Variants in TBL1XR1 observed in about 807,000 individuals in gnomAD.
TBL1XR1 encodes F-box-like/WD repeat-containing protein TBL1XR1.
In TBL1XR1, 5 loss-of-function variants were observed where a neutral mutation model predicts 66.9. The ratio of observed to expected loss-of-function variants is 0.07; its 90% CI spans 0.04 to 0.16. The LOEUF is 0.16. Ranked by LOEUF, TBL1XR1 falls within the 10% of genes least tolerant of loss-of-function variation. TBL1XR1 has a pLI of 1.00. For missense variants in TBL1XR1, 238 were observed against 623.2 expected (o/e 0.38, Z 6.58); for synonymous variants, 210 against 206.0 (o/e 1.02, Z -0.17).
At chr3:177,026,029 C>CA (rs1161187337) in intron 15 of TBL1XR1, 4 of 296,862 alleles carry the variant, frequency 1.3e-5, no homozygotes, top group Non-Finnish European at 2.5e-5. Context: ...TTCCCTGGGC[C>CA]AAAAAAATTC....
intron 1 of TBL1XR1, among the ~76,000 whole-genome samples, chr3:177,126,494 A>G (rs919247095): frequency 5.3e-5 from 8 of 152,226 alleles, no homozygotes; most frequent in Admixed American, 3.3e-4. Context: ...TACATCTTCT[A>G]CTAATATGTC....
intron 1 of TBL1XR1, among the ~76,000 whole-genome samples, chr3:177,172,041 G>A (rs758049577): frequency 9.9e-5 from 15 of 151,904 alleles, no homozygotes; most frequent in East Asian, 3.9e-4. Flanking sequence ...CAAGGCAGGC[G>A]GATAGGTCAG....
At chr3:177,046,313 T>G in intron 9 of TBL1XR1, 124 bp from the exon 10 acceptor site, 1 of 642,694 alleles carries the variant, frequency 1.6e-6, no homozygotes, top group Non-Finnish European at 2.5e-6. Context: ...TTAAACACTT[T>G]ATCCCAAATA....
At position 177,192,951 on chromosome 3, in the gene TBL1XR1, G is replaced by A. The variant is rs555550149; in HGVS notation, c.-122+4170C>T. ...GCACGTTACCTGAGGTCAGGAGTTCGAGACCAGCCTGGCCAACATGCTGAA... is the reference window on the plus strand; with the variant it reads ...GCACGTTACCTGAGGTCAGGAGTTCAAGACCAGCCTGGCCAACATGCTGAA... On this transcript the variant is annotated intron_variant, in intron 1 of 15. Coordinates refer to ENST00000457928, the MANE Select transcript of TBL1XR1 (RefSeq NM_024665.7). Among the ~76,000 whole-genome samples, 7 of 152,094 alleles carry A rather than the reference G, an allele frequency of 4.6e-5. No individual in the cohort carries two copies. In the South Asian group the frequency reaches 6.2e-4, roughly 14 times the overall value.
intron 1 of TBL1XR1, 116 bp from the exon 2 acceptor site, chr3:177,098,657 TTC>T (rs1723805768): frequency 4.8e-6 from 2 of 416,290 alleles, no homozygotes; most frequent in Non-Finnish European, 6.5e-6. Flanking sequence ...ACCAGTGAAT[TTC>T]TTTCTCCCCC....
At chr3:177,182,473 T>C (rs1356945284) in intron 1 of TBL1XR1, among the ~76,000 whole-genome samples, 5 of 152,228 alleles carry the variant, frequency 3.3e-5, no homozygotes, top group Non-Finnish European at 7.3e-5. Context: ...TTTCCAGTTT[T>C]GTATATGTGA....
intron 2 of TBL1XR1, among the ~76,000 whole-genome samples, chr3:177,093,664 A>G (rs899081348): frequency 1.3e-5 from 2 of 152,212 alleles, no homozygotes; most frequent in African/African-American, 4.8e-5. Context: ...CCAGAAATAA[A>G]GCCAAATATT....
intron 1 of TBL1XR1, among the ~76,000 whole-genome samples, chr3:177,179,732 C>T (rs1734580899): frequency 6.6e-6 from 1 of 152,136 alleles, no homozygotes; most frequent in Non-Finnish European, 1.5e-5. Context: ...CTGTCATTAC[C>T]AGTTCTCACT....
At chr3:177,162,160 C>T (rs1305113863) in intron 1 of TBL1XR1, among the ~76,000 whole-genome samples, 1 of 152,234 alleles carries the variant, frequency 6.6e-6, no homozygotes, top group Non-Finnish European at 1.5e-5. Context: ...TTCAGAATAG[C>T]GCAATGTTGA....
chr3:177,166,934 T>TTC (rs2108908975), intron 1 of TBL1XR1, among the ~76,000 whole-genome samples: 1 of 152,282 alleles, frequency 6.6e-6, no homozygotes, highest in East Asian at 1.9e-4. Context: ...GGGAGACAGT[T>TTC]TAACACTTTC....
rs1035322831 is a variant in TBL1XR1 at position 177,021,697 on chromosome 3, A to C, written c.*3801T>G. On this transcript the variant is annotated 3_prime_UTR_variant, in exon 16 of 16. Coordinates refer to ENST00000457928, the MANE Select transcript of TBL1XR1 (RefSeq NM_024665.7). The stretch of plus-strand genomic sequence containing the variant: ...AAGAAAACAAAACGAAAAACCAACC[A>C]GGGTCTCTTGTAGATTTGCTGCTAT... The C allele has an allele frequency of 2.6e-5, 4 of 152,580 alleles. No individual in the cohort carries two copies. Among genetic ancestry groups the C allele is most frequent in the African/African-American group, 7.2e-5 (3 of 41,452 alleles). The allele number at this position is 152,580 out of a possible 1,614,324, so 9.5% of individuals were successfully genotyped here.
At chr3:177,052,761 T>G (rs1001845547) in intron 4 of TBL1XR1, among the ~76,000 whole-genome samples, 1 of 152,144 alleles carries the variant, frequency 6.6e-6, no homozygotes, top group Non-Finnish European at 1.5e-5. Flanking sequence ...GGGGAACATG[T>G]TAATCTCTGA....
chr3:177,140,162 G>A (rs1471581328), intron 1 of TBL1XR1, among the ~76,000 whole-genome samples: 2 of 152,114 alleles, frequency 1.3e-5, no homozygotes, highest in African/African-American at 4.8e-5. Context: ...TTAGCTGGGC[G>A]TGGTGGCACA....
rs746245898 is a variant in TBL1XR1 at position 177,050,039 on chromosome 3, T to C, written c.660A>G (p.Gln220=). The C allele has an allele frequency of 2.5e-5, 40 of 1,613,628 alleles. No homozygotes were observed. The highest frequency in any genetic ancestry group is 3.1e-5 in the Non-Finnish European group (36 of 1,179,782). Residue 220 remains glutamine (Q), a synonymous_variant, in exon 7 of 16, where the codon CAA becomes CAG. Transcript: ENST00000457928. ...TGACATCCTTGTTGCTTGGAACATCTTGCCCTCCTTCTCGTATACAATGTC... is the reference window on the plus strand; with the variant it reads ...TGACATCCTTGTTGCTTGGAACATCCTGCCCTCCTTCTCGTATACAATGTC... ...VLRHCIREGG[Q]DVPSNKDVTS...
chr3:177,099,608 C>T (rs1336777414), intron 1 of TBL1XR1, among the ~76,000 whole-genome samples: 1 of 152,222 alleles, frequency 6.6e-6, no homozygotes, highest in Non-Finnish European at 1.5e-5. Flanking sequence ...TCCCACCAAT[C>T]CCTGGTGCTT....
upstream of TBL1XR1, among the ~76,000 whole-genome samples, chr3:177,200,348 G>T (rs1737316793): frequency 1.3e-5 from 2 of 152,198 alleles, no homozygotes; most frequent in South Asian, 4.1e-4. Context: ...TCCAGCAAAG[G>T]GGGTTTTAAA....
intron 1 of TBL1XR1, among the ~76,000 whole-genome samples, chr3:177,157,732 A>G (rs1731685314): frequency 6.6e-6 from 1 of 152,184 alleles, no homozygotes; most frequent in Non-Finnish European, 1.5e-5. Context: ...TCAAGAAGCA[A>G]AACTAACCTG....
In TBL1XR1 at chr3:177,024,748, A is replaced by G. The variant is rs1333787759; in HGVS notation, c.*750T>C. ...AAAAAAAAGCAAAACAAAAAAACAA[A>G]ACCAACAGAGCATAATACCCTTTTA... On this transcript the variant is annotated 3_prime_UTR_variant, in exon 16 of 16. Transcript: ENST00000457928. 1 of 152,086 alleles carries G rather than the reference A, an allele frequency of 6.6e-6. No individual in the cohort carries two copies. The highest frequency in any genetic ancestry group is 1.9e-4 in the East Asian group (1 of 5,194). The allele number at this position is 152,086 out of a possible 1,614,324, so 9.4% of individuals were successfully genotyped here.
intron 13 of TBL1XR1, 140 bp downstream of exon 13, chr3:177,034,058 A>T: frequency 1.1e-6 from 1 of 920,616 alleles, no homozygotes; most frequent in Non-Finnish European, 1.6e-6. Context: ...AAAACCACCT[A>T]TACACCAAAA....
Sources: allele counts gnomAD v4.1 joint callset (sites outside exome capture counted in the v4.1 genomes callset), GRCh38; gene constraint gnomAD v4.1.1; transcripts MANE v1.5; gene names NCBI Gene and HGNC (gene_info 2026-07-23, HGNC 2026-07-21).